The following COL14A1 variants were observed in gnomAD, a reference collection of about 807,000 sequenced individuals.
COL14A1 encodes collagen type XIV alpha 1 chain, also known as collagen alpha-1(XIV) chain.
Under a neutral mutation model 230.3 loss-of-function variants are expected in COL14A1, and 136 were observed. The observed-to-expected ratio is 0.59, with a 90% CI of 0.51 to 0.68. The LOEUF is 0.68. Among genes scored for constraint, COL14A1 ranks in the 30% least tolerant of loss-of-function variants. The pLI, the probability that COL14A1 is intolerant of heterozygous loss-of-function variation, is 0.00. For missense variants in COL14A1, 1,976 were observed against 2,215.8 expected (o/e 0.89, Z 2.17); for synonymous variants, 792 against 784.1 (o/e 1.01, Z -0.17).
chr8:120,141,860 A>C (rs1175661523), intron 1 of COL14A1, among the ~76,000 whole-genome samples: 1 of 152,084 alleles, frequency 6.6e-6, no homozygotes, highest in Non-Finnish European at 1.5e-5. Context: ...CTACATTAAA[A>C]CAGTATTATG....
rs59681431 is a variant in COL14A1 at position 120,254,821 on chromosome 8, CAAAAAA to C, written c.2753-403_2753-398del. On this transcript the variant is annotated intron_variant, in intron 22 of 47. Transcript: ENST00000297848. ...GCAACATGGCGAAACACTGCCTCTACAAAAAAAAAAAAAAAAAAAAATTAGCTGCAT... is the reference window on the plus strand; with the variant it reads ...GCAACATGGCGAAACACTGCCTCTACAAAAAAAAAAAAAAATTAGCTGCAT... Among the ~76,000 whole-genome samples, 204 of 93,658 alleles carry C rather than the reference CAAAAAA, an allele frequency of 2.2e-3. 1 individual carries two copies. Among genetic ancestry groups the C allele is most frequent in the African/African-American group, 6.8e-3 (167 of 24,690 alleles). The allele number at this position is 93,658 out of a possible 152,430, so 61.4% of individuals were successfully genotyped here. A position where few individuals can be genotyped will look rare whatever the true frequency, so the allele number is the denominator to read the frequency against.
chr8:120,251,380 G>A (rs1377868767), intron 22 of COL14A1, among the ~76,000 whole-genome samples: 1 of 152,188 alleles, frequency 6.6e-6, no homozygotes, highest in Non-Finnish European at 1.5e-5. Flanking sequence ...GTTGGAGCAG[G>A]AGGAGGTTTG....
At chr8:120,150,070 C>CTATT (rs1018345988) in intron 2 of COL14A1, among the ~76,000 whole-genome samples, 65 of 152,066 alleles carry the variant, frequency 4.3e-4, no homozygotes, top group African/African-American at 1.4e-3. Flanking sequence ...TAAATAAGAC[C>CTATT]TATTTATTTA....
At position 120,369,351 on chromosome 8, in the gene COL14A1, C is replaced by A. The variant is rs1309380244; in HGVS notation, c.5177C>A (p.Pro1726His). ...GPAGPSGESR[P>H]GSPGPPGSPG... ...TTAGGACCTTCAGGGGAGAGTCGGC[C>A]TGGCAGCCCTGGGCCCCCTGGCTCT... The change falls in exon 47 of 48, where the codon CCT (proline) becomes CAT (histidine). Residue 1726 changes from proline (P) to histidine (H), a missense_variant. Pro to His is a moderately conservative substitution (Grantham distance 77, BLOSUM62 -2). Around this residue, in one of 3 missense-constraint regions of COL14A1, gnomAD observed 1,791 missense variants for 2,019.5 expected, o/e 0.89. Coordinates refer to ENST00000297848, the MANE Select transcript of COL14A1 (RefSeq NM_021110.4). 2 of 1,591,438 alleles carry A rather than the reference C, an allele frequency of 1.3e-6. No homozygotes were observed. Among genetic ancestry groups the A allele is most frequent in the Non-Finnish European group, 1.7e-6 (2 of 1,169,806 alleles).
intron 5 of COL14A1, among the ~76,000 whole-genome samples, chr8:120,190,852 C>T (rs1178059329): frequency 9.9e-5 from 15 of 152,184 alleles, no homozygotes; most frequent in Admixed American, 8.5e-4. Context: ...GTAGTATTCT[C>T]TGATGGTAGT....
At chr8:120,189,628 TC>T (rs981376543) in intron 5 of COL14A1, among the ~76,000 whole-genome samples, 3 of 107,848 alleles carry the variant, frequency 2.8e-5, no homozygotes, top group Admixed American at 1.0e-4. Context: ...AAGCTATCCC[TC>T]CCCCCTCCCC....
chr8:120,182,726 GT>G lies in COL14A1; in HGVS notation c.437-14047del, dbSNP rs756254098. ...AACTTAATTTTTTTTATTTTTCTTC[GT>G]TTTTTTTTTTTTTTTTTGAGGTGGA... On this transcript the variant is annotated intron_variant, in intron 5 of 47. Coordinates refer to ENST00000297848, the MANE Select transcript of COL14A1 (RefSeq NM_021110.4). 3.5e-3 allele frequency among the ~76,000 whole-genome samples: 452 copies of G among 129,002 alleles called. 1 individual carries two copies. The highest frequency in any genetic ancestry group is 0.01 in the African/African-American group (365 of 34,984). The allele number at this position is 129,002 out of a possible 152,430, so 84.6% of individuals were successfully genotyped here.
In COL14A1 at chr8:120,128,229, GTGTGTGTGT is replaced by G. The variant is rs1278281510; in HGVS notation, c.-38+2890_-38+2898del. On this transcript the variant is annotated intron_variant, in intron 1 of 47. Coordinates refer to ENST00000297848, the MANE Select transcript of COL14A1 (RefSeq NM_021110.4). ...CGTGTGTGTGTGTGTGTGCGCGCGC[GTGTGTGTGT>G]GTGTGTGTGTGTGTGTGTGTGTGTT... Among the ~76,000 whole-genome samples, 7 of 18,414 alleles carry G rather than the reference GTGTGTGTGT, an allele frequency of 3.8e-4. 1 individual carries two copies. Among genetic ancestry groups the G allele is most frequent in the African/African-American group, 1.9e-3 (7 of 3,752 alleles). 12.1% of individuals were successfully genotyped at this position (18,414 alleles called of 152,430 possible). A position where few individuals can be genotyped will look rare whatever the true frequency, so the allele number is the denominator to read the frequency against.
chr8:120,278,172 C>G lies in COL14A1; in HGVS notation c.3275C>G (p.Thr1092Ser). ...GAATTTAAACTAAATGCTTACAAAA[C>G]CAAAGAGACTCTTCTTGATGCAATT... Reference protein sequence around the residue: ...RTEFKLNAYKTKETLLDAIKH... With the variant: ...RTEFKLNAYKSKETLLDAIKH... Residue 1092 changes from threonine (T) to serine (S), a missense_variant, in exon 27 of 48, where the codon ACC becomes AGC. By Grantham distance (58) the Thr-to-Ser change is moderately conservative. Around this residue, in one of 3 missense-constraint regions of COL14A1, gnomAD observed 1,791 missense variants for 2,019.5 expected, o/e 0.89. Coordinates refer to ENST00000297848, the MANE Select transcript of COL14A1 (RefSeq NM_021110.4). 1 of 1,612,054 alleles carries G rather than the reference C, an allele frequency of 6.2e-7. No individual in the cohort carries two copies. The highest frequency in any genetic ancestry group is 8.5e-7 in the Non-Finnish European group (1 of 1,178,990).
intron 5 of COL14A1, among the ~76,000 whole-genome samples, chr8:120,187,589 T>C (rs960930647): frequency 6.6e-6 from 1 of 152,196 alleles, no homozygotes; most frequent in Non-Finnish European, 1.5e-5. Context: ...ATCAAATGAA[T>C]AAACATGGGT....
chr8:120,127,666 C>G (rs1235477398), intron 1 of COL14A1, among the ~76,000 whole-genome samples: 2 of 152,184 alleles, frequency 1.3e-5, no homozygotes, highest in Admixed American at 6.5e-5. Context: ...GGGGAGTCTC[C>G]CTTTCAATCT....
intron 22 of COL14A1, among the ~76,000 whole-genome samples, chr8:120,252,380 T>G (rs945730857): frequency 6.6e-6 from 1 of 152,146 alleles, no homozygotes; most frequent in African/African-American, 2.4e-5. Context: ...GTCCATTATA[T>G]CACTCAAAAT....
Position 120,278,172 on chromosome 8 carries a change from C to T in COL14A1, c.3275C>T (p.Thr1092Ile), listed in dbSNP as rs749404487. 4.1e-5 allele frequency: 66 copies of T among 1,611,938 alleles called. No homozygotes were observed. Among genetic ancestry groups the T allele is most frequent in the Non-Finnish European group, 4.8e-5 (57 of 1,178,998 alleles). The change falls in exon 27 of 48, where the codon ACC (threonine) becomes ATC (isoleucine). Residue 1092 changes from threonine (T) to isoleucine (I), a missense_variant. Physicochemically the swap from Thr to Ile is moderately conservative, Grantham distance 89. This residue lies in a region of COL14A1 where 1,791 missense variants were observed against 2,019.5 expected (regional missense o/e 0.89). Coordinates refer to ENST00000297848, the MANE Select transcript of COL14A1 (RefSeq NM_021110.4). Reference protein sequence around the residue: ...RTEFKLNAYKTKETLLDAIKH... With the variant: ...RTEFKLNAYKIKETLLDAIKH... The stretch of plus-strand genomic sequence containing the variant: ...GAATTTAAACTAAATGCTTACAAAA[C>T]CAAAGAGACTCTTCTTGATGCAATT...
intron 37 of COL14A1, among the ~76,000 whole-genome samples, chr8:120,311,309 C>T (rs926495133): frequency 6.6e-6 from 1 of 152,182 alleles, no homozygotes; most frequent in African/African-American, 2.4e-5. Context: ...CAATGCCCCT[C>T]TGCTCCTATA....
chr8:120,270,876 T>C (rs140273240), intron 26 of COL14A1, among the ~76,000 whole-genome samples: 149 of 151,862 alleles, frequency 9.8e-4, no homozygotes, highest in African/African-American at 3.4e-3. Context: ...GTTGGATATA[T>C]ACCCAAAGGA....
chr8:120,186,820 T>C (rs964983953), intron 5 of COL14A1, among the ~76,000 whole-genome samples: 4 of 152,228 alleles, frequency 2.6e-5, no homozygotes, highest in Admixed American at 6.5e-5. Context: ...ATGTACTGTA[T>C]GTCAAGAGAT....
chr8:120,291,035 G>T (rs542772363), intron 34 of COL14A1, among the ~76,000 whole-genome samples: 1 of 152,318 alleles, frequency 6.6e-6, no homozygotes, highest in East Asian at 1.9e-4. Flanking sequence ...CTCAGTTACA[G>T]TAAGAGACTT....
chr8:120,205,428 C>T (rs1817397736), intron 9 of COL14A1, among the ~76,000 whole-genome samples: 1 of 152,126 alleles, frequency 6.6e-6, no homozygotes, highest in Non-Finnish European at 1.5e-5. Context: ...TAGTTATACT[C>T]AGCAAAAGGA....
intron 33 of COL14A1, among the ~76,000 whole-genome samples, chr8:120,288,652 G>A (rs1365701456): frequency 2.6e-5 from 4 of 151,932 alleles, no homozygotes; most frequent in Admixed American, 6.6e-5. Flanking sequence ...GGGCAAAACC[G>A]TTATTTGCCT....
Sources: gnomAD v4.1 joint callset for allele counts (sites outside exome capture counted in the v4.1 genomes callset) on GRCh38, gnomAD v4.1.1 for gene constraint, gnomAD v4.1.1 regional missense constraint, MANE v1.5 for transcripts, NCBI Gene and HGNC (gene_info 2026-07-23, HGNC 2026-07-21) for gene names.